The following ZNF385D variants were observed in gnomAD, a reference collection of about 807,000 sequenced individuals.
ZNF385D encodes the protein zinc finger protein 385D.
In ZNF385D, 15 loss-of-function variants were observed where a neutral mutation model predicts 35.8. The ratio of observed to expected loss-of-function variants is 0.42; its 90% CI spans 0.28 to 0.64. ZNF385D has a LOEUF of 0.64. Ranked by LOEUF, ZNF385D falls within the 30% of genes least tolerant of loss-of-function variation. The pLI is 0.23. For missense variants in ZNF385D, 474 were observed against 494.6 expected (o/e 0.96, Z 0.39); for synonymous variants, 212 against 186.8 (o/e 1.13, Z -1.10).
intron 3 of ZNF385D, among the ~76,000 whole-genome samples, chr3:21,920,023 G>A (rs1700375100): frequency 6.6e-6 from 1 of 152,120 alleles, no homozygotes. Flanking sequence ...TCATTTCCAG[G>A]GGTTGAGAAA....
intron 3 of ZNF385D, among the ~76,000 whole-genome samples, chr3:21,783,642 C>T (rs979751142): frequency 1.1e-4 from 17 of 152,090 alleles, no homozygotes; most frequent in African/African-American, 4.1e-4. Context: ...AGCAATTTCT[C>T]CGTCCTTGTT....
intron 2 of ZNF385D, among the ~76,000 whole-genome samples, chr3:22,231,012 TACTC>T (rs140242399): frequency 0.016 from 2,491 of 152,246 alleles, 75 homozygotes; most frequent in African/African-American, 0.057. Context: ...TACATTTTAT[TACTC>T]AATCTACCCC....
At chr3:22,256,183 A>G (rs535403575) in intron 2 of ZNF385D, among the ~76,000 whole-genome samples, 18 of 150,190 alleles carry the variant, frequency 1.2e-4, no homozygotes, top group Middle Eastern at 3.6e-3. Flanking sequence ...ATATACATAT[A>G]CATATACATA....
chr3:21,665,164 T>C lies in ZNF385D; in HGVS notation c.23-136A>G. On this transcript the variant is annotated intron_variant, in intron 1 of 7. Transcript: ENST00000281523. ...AGACATGGACTCTATTGACCTCAAC[T>C]GGGAACCGGCCAATGAGCAAATTTG... is the stretch of plus-strand genomic sequence containing the variant. 2.6e-6 allele frequency: 3 copies of C among 1,176,262 alleles called. No homozygotes were observed. The South Asian group carries it at 5.2e-5, about 20-fold the overall frequency. The allele number at this position is 1,176,262 out of a possible 1,614,324, so 72.9% of individuals were successfully genotyped here.
intron 3 of ZNF385D, among the ~76,000 whole-genome samples, chr3:21,900,741 G>A (rs552917762): frequency 2.0e-5 from 3 of 152,104 alleles, no homozygotes; most frequent in South Asian, 2.1e-4. Flanking sequence ...ACATACACAC[G>A]TTAAAAGAAA....
chr3:21,963,399 ATGTAGT>A (rs1374883679), intron 3 of ZNF385D, among the ~76,000 whole-genome samples: 2 of 152,204 alleles, frequency 1.3e-5, no homozygotes, highest in Non-Finnish European at 2.9e-5. Flanking sequence ...GCGTGCAGAA[ATGTAGT>A]TAAGGATAGG....
At chr3:22,348,411 G>A (rs1040194716) in intron 2 of ZNF385D, among the ~76,000 whole-genome samples, 38 of 150,106 alleles carry the variant, frequency 2.5e-4, no homozygotes, top group Admixed American at 9.3e-4. Context: ...ACTTTGGGTG[G>A]CCGAGGCAGG....
At chr3:22,128,902 T>C (rs574349314) in intron 3 of ZNF385D, among the ~76,000 whole-genome samples, 2 of 152,332 alleles carry the variant, frequency 1.3e-5, no homozygotes, top group African/African-American at 2.4e-5. Context: ...TTGTCTCTTT[T>C]AGAAGAACTA....
intron 3 of ZNF385D, among the ~76,000 whole-genome samples, chr3:21,541,786 A>G (rs926531943): frequency 6.6e-6 from 1 of 152,228 alleles, no homozygotes; most frequent in Non-Finnish European, 1.5e-5. Context: ...GAGATTTTCA[A>G]TTATTGGTGA....
intron 4 of ZNF385D, among the ~76,000 whole-genome samples, chr3:21,495,226 ATT>A (rs780804495): frequency 2.7e-5 from 4 of 147,104 alleles, no homozygotes; most frequent in African/African-American, 4.9e-5. Flanking sequence ...GGTAAGAATG[ATT>A]TTTTTTTTTT....
chr3:21,707,883 A>C (rs1391106268), intron 1 of ZNF385D, among the ~76,000 whole-genome samples: 4 of 152,170 alleles, frequency 2.6e-5, no homozygotes, highest in African/African-American at 9.7e-5. Flanking sequence ...AGTAAGCAGG[A>C]TTATACGTGT....
Position 21,418,331 on chromosome 3 carries a change from T to A in ZNF385D, c.*2883A>T, listed in dbSNP as rs1700600812. The A allele has an allele frequency of 2.0e-5, 3 of 152,238 alleles. No individual in the cohort carries two copies. Among genetic ancestry groups the A allele is most frequent in the African/African-American group, 7.2e-5 (3 of 41,554 alleles). The allele number at this position is 152,238 out of a possible 1,614,324, so 9.4% of individuals were successfully genotyped here. On this transcript the variant is annotated 3_prime_UTR_variant, in exon 8 of 8. Transcript: ENST00000281523. ...AGTTCCCTAAGGGAAAAGATACAGT[T>A]TTATGGCAGCCTGAACTATAATGGA...
chr3:22,172,995 C>T (rs1230873441), intron 2 of ZNF385D, among the ~76,000 whole-genome samples: 2 of 152,216 alleles, frequency 1.3e-5, no homozygotes. Flanking sequence ...TCAGCCACAT[C>T]AAGTTTCACA....
intron 3 of ZNF385D, among the ~76,000 whole-genome samples, chr3:21,543,521 C>G (rs1462280445): frequency 6.6e-6 from 1 of 152,168 alleles, no homozygotes; most frequent in South Asian, 2.1e-4. Context: ...CCCGCACAGC[C>G]GGTTGGCTGG....
chr3:21,463,529 G>A (rs949877636), intron 4 of ZNF385D, among the ~76,000 whole-genome samples: 1 of 152,162 alleles, frequency 6.6e-6, no homozygotes, highest in Non-Finnish European at 1.5e-5. Flanking sequence ...GGCTTCCTCA[G>A]AGCCAAGTGT....
chr3:21,707,687 C>T (rs1042830017), intron 1 of ZNF385D, among the ~76,000 whole-genome samples: 21 of 152,060 alleles, frequency 1.4e-4, no homozygotes, highest in African/African-American at 5.1e-4. Context: ...ATGGTCAATT[C>T]GAATATAGAT....
intron 2 of ZNF385D, among the ~76,000 whole-genome samples, chr3:22,275,819 T>C (rs912472985): frequency 3.9e-5 from 6 of 152,186 alleles, no homozygotes; most frequent in African/African-American, 1.4e-4. Context: ...GCACAGTGGC[T>C]CACGCCTGTA....
In ZNF385D at chr3:21,957,543, G is replaced by T. The variant is rs147233052; in HGVS notation, c.325+211274C>A. Among the ~76,000 whole-genome samples the T allele has an allele frequency of 7.1e-3, 1,076 of 152,220 alleles. 6 individuals carry two copies. The highest frequency in any genetic ancestry group is 0.012 in the Non-Finnish European group (815 of 67,998). ...GAGAACTGGAGCAAAGGTGACTCTT[G>T]TTTTGTTTTAGCAAAACTCACATGG... On this transcript the variant is annotated intron_variant, in intron 3 of 5. Coordinates refer to the ZNF385D transcript ENST00000494108.
rs1044920992 is a variant in ZNF385D, at chr3:22,067,440, T to C, written c.325+101377A>G. 3.9e-5 allele frequency among the ~76,000 whole-genome samples: 6 copies of C among 152,206 alleles called. No homozygotes were observed. In the South Asian group the frequency reaches 1.0e-3, roughly 26 times the overall value. On this transcript the variant is annotated intron_variant, in intron 3 of 5. Transcript: ENST00000494108. ...CAGGGCAATAACAGGTAACAGATAA[T>C]GAAGTCACTATAGATTTGTATAATA... is the stretch of plus-strand genomic sequence containing the variant.
Sources: gnomAD v4.1 joint callset for allele counts (sites outside exome capture counted in the v4.1 genomes callset) on GRCh38, gnomAD v4.1.1 for gene constraint, MANE v1.5 for transcripts, NCBI Gene and HGNC (gene_info 2026-07-23, HGNC 2026-07-21) for gene names.